The following PLCL2 variants were observed in gnomAD, a reference collection of about 807,000 sequenced individuals.
PLCL2 encodes the protein inactive phospholipase C-like protein 2.
In PLCL2, 4 loss-of-function variants were observed where a neutral mutation model predicts 79.6. The ratio of observed to expected loss-of-function variants is 0.05; its 90% CI spans 0.02 to 0.11. PLCL2 has a LOEUF of 0.11. Among genes scored for constraint, PLCL2 ranks in the 10% least tolerant of loss-of-function variants. The pLI is 1.00. For missense variants in PLCL2, 895 were observed against 1,291.0 expected (o/e 0.69, Z 4.70); for synonymous variants, 484 against 457.7 (o/e 1.06, Z -0.73).
chr3:17,048,099 C>G (rs200382586), intron 4 of PLCL2, among the ~76,000 whole-genome samples: 1 of 104,974 alleles, frequency 9.5e-6, no homozygotes, highest in East Asian at 2.9e-4. Context: ...TTTTTTTTTT[C>G]AAACTCCTCA....
chr3:16,988,227 C>T (rs2064069913), intron 1 of PLCL2, among the ~76,000 whole-genome samples: 1 of 152,096 alleles, frequency 6.6e-6, no homozygotes, highest in Admixed American at 6.5e-5. Context: ...ACACAAGAGC[C>T]AGATACATTT....
chr3:16,936,751 A>AT (rs1697549156), intron 1 of PLCL2, among the ~76,000 whole-genome samples: 1 of 152,040 alleles, frequency 6.6e-6, no homozygotes, highest in South Asian at 2.1e-4. Context: ...GCTAAGCCAT[A>AT]TTTTTTCAAA....
chr3:17,046,125 T>G (rs2064778166), intron 4 of PLCL2, among the ~76,000 whole-genome samples: 1 of 152,156 alleles, frequency 6.6e-6, no homozygotes, highest in African/African-American at 2.4e-5. Context: ...AGAATGGGTC[T>G]CTATAATTCA....
chr3:17,045,858 A>C (rs949380877), intron 4 of PLCL2, among the ~76,000 whole-genome samples: 8 of 152,174 alleles, frequency 5.3e-5, no homozygotes, highest in Admixed American at 4.6e-4. Context: ...TGACATTTAG[A>C]AAAATTCTGA....
At chr3:16,905,367 C>A (rs1437729048) in intron 1 of PLCL2, among the ~76,000 whole-genome samples, 3 of 152,206 alleles carry the variant, frequency 2.0e-5, no homozygotes, top group Non-Finnish European at 4.4e-5. Context: ...GAAGTCAAAG[C>A]TGATTGGCTG....
chr3:16,979,658 G>A (rs2063960796), intron 1 of PLCL2, among the ~76,000 whole-genome samples: 1 of 140,756 alleles, frequency 7.1e-6, no homozygotes, highest in South Asian at 2.4e-4. Context: ...TTGGGGGTAA[G>A]GTCACCGATC....
chr3:16,898,405 C>G (rs1432232860), intron 1 of PLCL2, among the ~76,000 whole-genome samples: 1 of 151,508 alleles, frequency 6.6e-6, no homozygotes, highest in Non-Finnish European at 1.5e-5. Flanking sequence ...TACCCATCTT[C>G]ATTGTTAGGA....
chr3:16,895,475 C>G (rs1402364125), intron 1 of PLCL2, among the ~76,000 whole-genome samples: 3 of 152,138 alleles, frequency 2.0e-5, no homozygotes, highest in Non-Finnish European at 4.4e-5. Flanking sequence ...AATAGAATCT[C>G]TTTCCCACTG....
At chr3:16,963,962 T>C (rs1447347735) in intron 1 of PLCL2, among the ~76,000 whole-genome samples, 1 of 152,166 alleles carries the variant, frequency 6.6e-6, no homozygotes, top group Non-Finnish European at 1.5e-5. Flanking sequence ...AGTGAGAGTG[T>C]TTGAAATAAA....
At chr3:16,986,500 C>A (rs2064051963) in intron 1 of PLCL2, among the ~76,000 whole-genome samples, 1 of 152,102 alleles carries the variant, frequency 6.6e-6, no homozygotes, top group African/African-American at 2.4e-5. Context: ...CGCCTGAGTT[C>A]AAGCAATTCT....
At chr3:16,929,363 C>T (rs58710782) in intron 1 of PLCL2, among the ~76,000 whole-genome samples, 2,574 of 152,164 alleles carry the variant, frequency 0.017, 76 homozygotes, top group African/African-American at 0.058. Context: ...TTTTTAAATC[C>T]TGAAAGGCAA....
chr3:17,042,855 C>T lies in PLCL2; in HGVS notation c.3019-19C>T. ...CTAGTTGTCAGGTGTAATCTCATGT[C>T]TGGATGTTCCCTTTGCAGATGATTC... On this transcript the variant is annotated intron_variant, in intron 3 of 5. Transcript: ENST00000615277. The T allele has an allele frequency of 6.3e-7, 1 of 1,578,594 alleles. No homozygotes were observed. The highest frequency in any genetic ancestry group is 8.7e-7 in the Non-Finnish European group (1 of 1,147,922).
chr3:17,033,873 C>A (rs1368530598), intron 3 of PLCL2, among the ~76,000 whole-genome samples: 1 of 152,092 alleles, frequency 6.6e-6, no homozygotes, highest in Non-Finnish European at 1.5e-5. Context: ...TATTTGATGT[C>A]TTTTTTTATG....
intron 1 of PLCL2, among the ~76,000 whole-genome samples, chr3:16,959,758 C>G (rs1453805588): frequency 6.6e-6 from 1 of 152,174 alleles, no homozygotes; most frequent in Non-Finnish European, 1.5e-5. Flanking sequence ...ACTTTTTCAA[C>G]CAGATGTCCC....
At chr3:16,950,380 T>C (rs1195769869) in intron 1 of PLCL2, among the ~76,000 whole-genome samples, 1 of 152,162 alleles carries the variant, frequency 6.6e-6, no homozygotes, top group East Asian at 1.9e-4. Flanking sequence ...ATGGGATTTA[T>C]TTCTAAGTTT....
chr3:17,010,662 C>T lies in PLCL2; in HGVS notation c.1316C>T (p.Ser439Leu). The change falls in exon 2 of 6, where the codon TCA (serine) becomes TTA (leucine). Residue 439 changes from serine to leucine, a missense_variant. By Grantham distance (145) the Ser-to-Leu change is moderately radical (BLOSUM62 -2). Around this residue, in one of 6 missense-constraint regions of PLCL2, gnomAD observed 242 missense variants for 399.5 expected, o/e 0.61. Coordinates refer to ENST00000615277, the MANE Select transcript of PLCL2 (RefSeq NM_001144382.2). The surrounding 1 kb of genome is among the most constrained non-coding windows in gnomAD (Gnocchi z 5.8). Reference protein sequence around the residue: ...KQPLSHYFINSSHNTYLIEDQ... With the variant: ...KQPLSHYFINLSHNTYLIEDQ... ...CCTCTGTCTCATTACTTTATAAACT[C>T]ATCTCATAATACATACTTAATAGAG... 1 of 1,613,902 alleles carries T rather than the reference C, an allele frequency of 6.2e-7. No individual in the cohort carries two copies.
intron 5 of PLCL2, among the ~76,000 whole-genome samples, chr3:17,078,505 G>A (rs867950191): frequency 2.8e-4 from 42 of 151,906 alleles, no homozygotes; most frequent in African/African-American, 8.5e-4. Flanking sequence ...AATTAAGCTT[G>A]TTACAACCGA....
chr3:16,981,226 TAATC>T (rs1409139574), intron 1 of PLCL2, among the ~76,000 whole-genome samples: 1 of 152,222 alleles, frequency 6.6e-6, no homozygotes, highest in Non-Finnish European at 1.5e-5. Flanking sequence ...ATATGCTCAT[TAATC>T]AATAATATAT....
chr3:17,083,297 G>A (rs146876303), intron 5 of PLCL2, among the ~76,000 whole-genome samples: 2,148 of 152,290 alleles, frequency 0.014, 23 homozygotes, highest in Non-Finnish European at 0.023. Context: ...AGCTAGCTAC[G>A]TGCATTTCTG....
Sources: gnomAD v4.1 joint callset for allele counts (sites outside exome capture counted in the v4.1 genomes callset) on GRCh38, gnomAD v4.1.1 for gene constraint, gnomAD v4.1.1 regional missense constraint, Gnocchi (gnomAD v3.1) non-coding constraint, MANE v1.5 for transcripts, NCBI Gene and HGNC (gene_info 2026-07-23, HGNC 2026-07-21) for gene names.